The following UBE2G1 variants were observed in gnomAD, a reference collection of about 807,000 sequenced individuals.
UBE2G1 encodes ubiquitin conjugating enzyme E2 G1, also known as ubiquitin-conjugating enzyme E2 G1.
UBE2G1 carries 5 observed loss-of-function variants against 22.7 expected under a neutral mutation model. The ratio of observed to expected loss-of-function variants is 0.22; its 90% CI spans 0.12 to 0.46. The LOEUF (loss-of-function observed/expected upper bound fraction) is 0.46. Among genes scored for constraint, UBE2G1 ranks in the 20% least tolerant of loss-of-function variants. The pLI, the probability that UBE2G1 is intolerant of heterozygous loss-of-function variation, is 0.99. For missense variants in UBE2G1, 88 were observed against 203.9 expected (o/e 0.43, Z 3.46); for synonymous variants, 74 against 67.5 (o/e 1.10, Z -0.47).
At chr17:4,345,431 A>G (rs1319332061) in intron 1 of UBE2G1, among the ~76,000 whole-genome samples, 1 of 152,238 alleles carries the variant, frequency 6.6e-6, no homozygotes, top group African/African-American at 2.4e-5. Context: ...ATTTACTCTG[A>G]AAGGCACTTT....
chr17:4,354,350 T>A (rs117713971), intron 1 of UBE2G1, among the ~76,000 whole-genome samples: 1 of 152,126 alleles, frequency 6.6e-6, no homozygotes, highest in Non-Finnish European at 1.5e-5. Flanking sequence ...GTACACAAAA[T>A]GGGCATCAAA....
Position 4,282,881 on chromosome 17 carries a change from T to C in UBE2G1, c.467A>G (p.Lys156Arg), listed in dbSNP as rs1296685266. The change falls in exon 5 of 6, where the codon AAA becomes AGA. Residue 156 changes from lysine to arginine, a missense_variant. By Grantham distance (26) the Lys-to-Arg change is conservative. Coordinates refer to ENST00000396981, the MANE Select transcript of UBE2G1 (RefSeq NM_003342.5). ...REDRNGEFKR[K>R]VARCVRKSQE... Reference sequence around the variant, plus strand: ...GCTTTTTCTTACACAGCGGGCAACTTTTCTTTTAAATTCTCCATTTCTATC... The same window carrying C: ...GCTTTTTCTTACACAGCGGGCAACTCTTCTTTTAAATTCTCCATTTCTATC... The C allele has an allele frequency of 6.2e-7, 1 of 1,613,504 alleles. No homozygotes were observed. Among genetic ancestry groups the C allele is most frequent in the Non-Finnish European group, 8.5e-7 (1 of 1,179,768 alleles).
intron 1 of UBE2G1, among the ~76,000 whole-genome samples, chr17:4,319,596 A>G (rs947600118): frequency 3.3e-5 from 5 of 152,272 alleles, no homozygotes; most frequent in South Asian, 2.1e-4. Flanking sequence ...TTAGCTGGAC[A>G]TGGCGGCAAG....
At chr17:4,293,927 T>G (rs968531302) in intron 3 of UBE2G1, among the ~76,000 whole-genome samples, 1 of 152,248 alleles carries the variant, frequency 6.6e-6, no homozygotes, top group Non-Finnish European at 1.5e-5. Flanking sequence ...GCTATCTCTC[T>G]GACTTCCCCT....
At chr17:4,305,743 T>C (rs925630671) in intron 2 of UBE2G1, among the ~76,000 whole-genome samples, 2 of 152,194 alleles carry the variant, frequency 1.3e-5, no homozygotes, top group Non-Finnish European at 2.9e-5. Flanking sequence ...GGTTTCACCA[T>C]GTTGGCCAGG....
At position 4,289,106 on chromosome 17, in the gene UBE2G1, T is replaced by TACACAC. The variant is rs71144179; in HGVS notation, c.426+118_426+123dup. On this transcript the variant is annotated intron_variant, in intron 4 of 5. Transcript: ENST00000396981. ...CAAAAATAAGAACTATGGGAAGAGA[T>TACACAC]ACACACACACACACACACACACACG... 4,446 of 515,832 alleles carry TACACAC rather than the reference T, an allele frequency of 8.6e-3. 46 individuals carry two copies. The highest frequency in any genetic ancestry group is 0.046 in the African/African-American group (2,300 of 49,836). The allele number at this position is 515,832 out of a possible 1,614,324, so 32.0% of individuals were successfully genotyped here.
At chr17:4,345,474 C>G (rs1253637736) in intron 1 of UBE2G1, among the ~76,000 whole-genome samples, 1 of 152,136 alleles carries the variant, frequency 6.6e-6, no homozygotes, top group East Asian at 1.9e-4. Flanking sequence ...TTTCCAGTAA[C>G]TTACAAATAT....
At chr17:4,302,034 C>CA in intron 2 of UBE2G1, 2 of 487,970 alleles carry the variant, frequency 4.1e-6, no homozygotes, top group Non-Finnish European at 8.1e-6. Flanking sequence ...TAAAGAACAA[C>CA]AACAACAAAA....
At position 4,350,982 on chromosome 17, in the gene UBE2G1, G is replaced by A. The variant is rs540902169; in HGVS notation, c.46+15289C>T. 4.7e-5 allele frequency among the ~76,000 whole-genome samples: 7 copies of A among 148,804 alleles called. No individual in the cohort carries two copies. The South Asian group carries it at 1.3e-3, about 27-fold the overall frequency. ...CGGGAGGCAGAGCTTGCAGTGACCC[G>A]AGATCTCACCACTGCACTCCAGCCT... On this transcript the variant is annotated intron_variant, in intron 1 of 5. Transcript: ENST00000396981.
At chr17:4,330,461 G>C (rs116264250) in intron 1 of UBE2G1, among the ~76,000 whole-genome samples, 1 of 152,148 alleles carries the variant, frequency 6.6e-6, no homozygotes, top group Admixed American at 6.6e-5. Context: ...ATTTCAGCCA[G>C]TCGCGGTGGC....
intron 1 of UBE2G1, among the ~76,000 whole-genome samples, chr17:4,319,745 A>AG (rs1206130541): frequency 6.6e-6 from 1 of 152,024 alleles, no homozygotes; most frequent in Non-Finnish European, 1.5e-5. Flanking sequence ...AGAGAGAGAG[A>AG]GAAGCCCAAA....
Position 4,326,159 on chromosome 17 carries a change from A to G in UBE2G1, c.47-19036T>C, listed in dbSNP as rs138180510. Reference sequence around the variant, plus strand: ...CTTTAGTTCATCAAAAGCAACCCCCAAAAAAATGGGAAAAATATTGTAAAT... The same window carrying G: ...CTTTAGTTCATCAAAAGCAACCCCCGAAAAAATGGGAAAAATATTGTAAAT... On this transcript the variant is annotated intron_variant, in intron 1 of 5. Coordinates refer to ENST00000396981, the MANE Select transcript of UBE2G1 (RefSeq NM_003342.5). Among the ~76,000 whole-genome samples, 4 of 152,052 alleles carry G rather than the reference A, an allele frequency of 2.6e-5. No individual in the cohort carries two copies. The East Asian group carries it at 7.7e-4, about 29-fold the overall frequency.
In UBE2G1 at chr17:4,276,174, C is replaced by G. The variant is rs540926188; in HGVS notation, c.*38-3658G>C. 7.9e-5 allele frequency among the ~76,000 whole-genome samples: 12 copies of G among 152,220 alleles called. No individual in the cohort carries two copies. In the South Asian group the frequency reaches 2.5e-3, roughly 32 times the overall value. ...CCTCAAATTGAGTCATGGTCTGCTT[C>G]TACTCCCACTGAAGCCCCCCCGCCC... On this transcript the variant is annotated intron_variant, in intron 5 of 5. Coordinates refer to ENST00000396981, the MANE Select transcript of UBE2G1 (RefSeq NM_003342.5).
chr17:4,313,629 C>G (rs1368022667), intron 1 of UBE2G1, among the ~76,000 whole-genome samples: 1 of 151,858 alleles, frequency 6.6e-6, no homozygotes, highest in African/African-American at 2.4e-5. Flanking sequence ...TAGTATTTCT[C>G]TCTCTCTCTC....
chr17:4,359,566 G>C (rs1969943438), intron 1 of UBE2G1, among the ~76,000 whole-genome samples: 1 of 152,196 alleles, frequency 6.6e-6, no homozygotes, highest in Non-Finnish European at 1.5e-5. Flanking sequence ...CAATGGAACA[G>C]CACTGATAAA....
At chr17:4,332,774 T>C (rs1310553682) in intron 1 of UBE2G1, among the ~76,000 whole-genome samples, 4 of 152,320 alleles carry the variant, frequency 2.6e-5, no homozygotes, top group Non-Finnish European at 5.9e-5. Context: ...TCAGGGCCCT[T>C]GTGCTTGCCT....
chr17:4,301,393 G>T (rs1288883824), intron 2 of UBE2G1: 5 of 598,856 alleles, frequency 8.3e-6, no homozygotes, highest in African/African-American at 1.9e-5. Flanking sequence ...GCCCTTCTGT[G>T]GCCTCCAGTC....
At chr17:4,309,289 C>A (rs1381257393) in intron 1 of UBE2G1, among the ~76,000 whole-genome samples, 3 of 152,172 alleles carry the variant, frequency 2.0e-5, no homozygotes, top group Non-Finnish European at 2.9e-5. Flanking sequence ...TATGTTTAAA[C>A]ATGAAGTGCT....
At position 4,301,065 on chromosome 17, in the gene UBE2G1, CTTACAAGGA is replaced by C. The variant is rs1331734016; in HGVS notation, c.150-4260_150-4252del. Among the ~76,000 whole-genome samples the C allele has an allele frequency of 7.2e-5, 11 of 152,186 alleles. No individual in the cohort carries two copies. The East Asian group carries it at 2.1e-3, about 29-fold the overall frequency. On this transcript the variant is annotated intron_variant, in intron 2 of 5. Coordinates refer to ENST00000396981, the MANE Select transcript of UBE2G1 (RefSeq NM_003342.5). ...TGTTTTTGAGTTAAATTATAAAAAT[CTTACAAGGA>C]TCAAATCCTACCATACTGCCATATT...
Sources: gnomAD v4.1 joint callset for allele counts (sites outside exome capture counted in the v4.1 genomes callset) on GRCh38, gnomAD v4.1.1 for gene constraint, MANE v1.5 for transcripts, NCBI Gene and HGNC (gene_info 2026-07-23, HGNC 2026-07-21) for gene names.